The following GBE1 variants were observed in gnomAD, a reference collection of about 807,000 sequenced individuals.
GBE1 encodes 1,4-alpha-glucan branching enzyme 1.
Under a neutral mutation model 88.8 loss-of-function variants are expected in GBE1, and 70 were observed. The ratio of observed to expected loss-of-function variants is 0.79; its 90% CI spans 0.65 to 0.96. The LOEUF (loss-of-function observed/expected upper bound fraction) is 0.96, where lower values mean the gene tolerates loss of function less well. GBE1 is among the 40% of genes least tolerant of loss of function. GBE1 has a pLI of 0.00. For missense variants in GBE1, 872 were observed against 871.0 expected, an observed-to-expected ratio of 1.00 and a Z score of -0.01; for synonymous variants, 284 against 300.1, an observed-to-expected ratio of 0.95 and a Z score of 0.56.
At chr3:81,754,219 C>T (rs757856436) in intron 1 of GBE1, among the ~76,000 whole-genome samples, 9 of 151,838 alleles carry the variant, frequency 5.9e-5, no homozygotes, top group Middle Eastern at 3.4e-3. Flanking sequence ...ATACCTACAA[C>T]GAATACAAAA....
intron 7 of GBE1, among the ~76,000 whole-genome samples, chr3:81,605,845 T>A (rs924285190): frequency 1.6e-4 from 25 of 152,240 alleles, no homozygotes; most frequent in African/African-American, 5.5e-4. Flanking sequence ...AAACATTATT[T>A]ACAAAAACAG....
At chr3:81,656,430 G>A (rs1559677994) in intron 3 of GBE1, among the ~76,000 whole-genome samples, 1 of 152,196 alleles carries the variant, frequency 6.6e-6, no homozygotes, top group Non-Finnish European at 1.5e-5. Context: ...AGAACCTCCA[G>A]AGGGACTATG....
At chr3:81,508,234 T>C (rs1702680219) in intron 14 of GBE1, among the ~76,000 whole-genome samples, 1 of 152,152 alleles carries the variant, frequency 6.6e-6, no homozygotes, top group Non-Finnish European at 1.5e-5. Context: ...CTGACTAACC[T>C]ACTTAGAAAC....
At chr3:81,556,542 G>A (rs139400786) in intron 12 of GBE1, among the ~76,000 whole-genome samples, 87 of 152,136 alleles carry the variant, frequency 5.7e-4, no homozygotes, top group Non-Finnish European at 1.1e-3. Flanking sequence ...CAAGACTCAT[G>A]AATATCTAAA....
intron 12 of GBE1, among the ~76,000 whole-genome samples, chr3:81,537,869 C>T (rs1258888897): frequency 6.6e-6 from 1 of 151,842 alleles, no homozygotes; most frequent in Non-Finnish European, 1.5e-5. Flanking sequence ...AATATTATCT[C>T]TCACTATAAT....
At chr3:81,721,207 A>G (rs1310029001) in intron 1 of GBE1, among the ~76,000 whole-genome samples, 1 of 89,894 alleles carries the variant, frequency 1.1e-5, no homozygotes, top group Admixed American at 1.1e-4. Flanking sequence ...ATAATAAAAA[A>G]TAAATAAATA....
rs143077231 is a variant in GBE1, at chr3:81,673,857, C to T, written c.314-2904G>A. 1.4e-4 allele frequency among the ~76,000 whole-genome samples: 21 copies of T among 151,820 alleles called. No homozygotes were observed. The East Asian group carries it at 2.5e-3, about 18-fold the overall frequency. On this transcript the variant is annotated intron_variant, in intron 2 of 15. Transcript: ENST00000429644. Reference sequence around the variant, plus strand: ...TCATGGGAACTCAGGTGTTGGCTTTCGCTGCAGGTACTCTTTTCTTGCCAA... The same window carrying T: ...TCATGGGAACTCAGGTGTTGGCTTTTGCTGCAGGTACTCTTTTCTTGCCAA...
chr3:81,752,550 C>A (rs1706544683), intron 1 of GBE1, among the ~76,000 whole-genome samples: 1 of 152,110 alleles, frequency 6.6e-6, no homozygotes, highest in Non-Finnish European at 1.5e-5. Context: ...CTAGCATTTA[C>A]CTCTCTCAAT....
At chr3:81,602,419 T>C (rs1420035550) in intron 7 of GBE1, among the ~76,000 whole-genome samples, 2 of 152,130 alleles carry the variant, frequency 1.3e-5, no homozygotes. Flanking sequence ...ACAGAGTAGG[T>C]TATAAACAAC....
intron 7 of GBE1, among the ~76,000 whole-genome samples, chr3:81,613,636 A>G (rs1704210722): frequency 6.6e-6 from 1 of 152,172 alleles, no homozygotes; most frequent in Non-Finnish European, 1.5e-5. Context: ...CATTTTGACA[A>G]TATGATTTCT....
chr3:81,656,598 A>G (rs1326940168), intron 3 of GBE1, among the ~76,000 whole-genome samples: 1 of 152,200 alleles, frequency 6.6e-6, no homozygotes, highest in Non-Finnish European at 1.5e-5. Flanking sequence ...TGGAAACAAT[A>G]ATTTTTCTAT....
At chr3:81,631,533 G>C (rs540909758) in intron 7 of GBE1, among the ~76,000 whole-genome samples, 1 of 150,780 alleles carries the variant, frequency 6.6e-6, no homozygotes, top group Admixed American at 6.6e-5. Flanking sequence ...TCAGGAGATC[G>C]AAAACATCCT....
intron 2 of GBE1, among the ~76,000 whole-genome samples, chr3:81,698,003 T>C (rs1705626204): frequency 1.4e-5 from 2 of 148,120 alleles, no homozygotes; most frequent in Non-Finnish European, 3.0e-5. Context: ...AGGTATAATA[T>C]ATTAGGTGTT....
At chr3:81,537,162 A>G (rs1281574740) in intron 12 of GBE1, 67 bp from the exon 13 acceptor site, 1 of 966,088 alleles carries the variant, frequency 1.0e-6, no homozygotes, top group Non-Finnish European at 1.4e-6. Context: ...TAATAAATCA[A>G]TAATTATATG....
intron 9 of GBE1, among the ~76,000 whole-genome samples, chr3:81,588,184 T>G (rs1703825123): frequency 6.6e-6 from 1 of 152,086 alleles, no homozygotes; most frequent in Non-Finnish European, 1.5e-5. Context: ...ATAAAATGTT[T>G]GCCAGTAATC....
At chr3:81,668,608 A>G (rs1705146815) in intron 3 of GBE1, among the ~76,000 whole-genome samples, 1 of 152,116 alleles carries the variant, frequency 6.6e-6, no homozygotes, top group African/African-American at 2.4e-5. Flanking sequence ...AAAATCGATG[A>G]GCTGTTTATT....
At chr3:81,584,934 G>A (rs926196725) in intron 10 of GBE1, among the ~76,000 whole-genome samples, 108 of 152,064 alleles carry the variant, frequency 7.1e-4, no homozygotes, top group Middle Eastern at 3.4e-3. Context: ...ACTTGTGAGG[G>A]AAAAAAGTCT....
intron 3 of GBE1, among the ~76,000 whole-genome samples, chr3:81,659,247 T>G (rs1030796254): frequency 6.6e-6 from 1 of 152,168 alleles, no homozygotes; most frequent in Non-Finnish European, 1.5e-5. Context: ...TAAAAATATT[T>G]TATTAAGTAT....
intron 14 of GBE1, 23 bp from the exon 15 acceptor site, chr3:81,499,250 A>C (rs1355201374): frequency 7.2e-7 from 1 of 1,384,738 alleles, no homozygotes. Context: ...AGGAATTCAC[A>C]ACAGTTGAGG....
Sources: gnomAD v4.1 joint callset for allele counts (sites outside exome capture counted in the v4.1 genomes callset) on GRCh38, gnomAD v4.1.1 for gene constraint, MANE v1.5 for transcripts, NCBI Gene and HGNC (gene_info 2026-07-23, HGNC 2026-07-21) for gene names.